Variants in MIR2052HG observed in about 807,000 individuals in gnomAD.
MIR2052HG encodes MIR2052 host gene.
At chr8:74,612,486 A>G (rs552072718) in intron 1 of MIR2052HG, 2 of 171,004 alleles carry the variant, frequency 1.2e-5, no homozygotes, top group Non-Finnish European at 2.5e-5. Flanking sequence ...ACTGTAGTTG[A>G]GCAGCTAAAT....
chr8:74,676,239 T>C (rs773989461), intron 2 of MIR2052HG, among the ~76,000 whole-genome samples: 1 of 151,986 alleles, frequency 6.6e-6, no homozygotes, highest in Non-Finnish European at 1.5e-5. Flanking sequence ...TTTAAACATA[T>C]GTAGATGCAT....
chr8:74,671,497 A>C (rs1186346581), intron 2 of MIR2052HG, among the ~76,000 whole-genome samples: 1 of 152,132 alleles, frequency 6.6e-6, no homozygotes, highest in Non-Finnish European at 1.5e-5. Context: ...ACAACTACTT[A>C]AGGTACTTTT....
intron 4 of MIR2052HG, among the ~76,000 whole-genome samples, chr8:74,719,832 TTTTTTTTTTCTTTTTTC>T (rs1283552812): frequency 9.7e-5 from 14 of 143,748 alleles, no homozygotes; most frequent in Admixed American, 5.0e-4. Flanking sequence ...GCTCCTTCTT[TTTTTTTTTTCTTTTTTC>T]TTTTTTTTTT....
chr8:74,623,892 G>T (rs1314973170), intron 2 of MIR2052HG, among the ~76,000 whole-genome samples: 2 of 152,138 alleles, frequency 1.3e-5, no homozygotes, highest in Non-Finnish European at 1.5e-5. Flanking sequence ...GTTAAAGGTT[G>T]CCAGGGTGAA....
intron 4 of MIR2052HG, among the ~76,000 whole-genome samples, chr8:74,734,203 T>C (rs964081317): frequency 6.7e-6 from 1 of 149,440 alleles, no homozygotes; most frequent in African/African-American, 2.5e-5. Flanking sequence ...TTAGATTTTA[T>C]GTTAAGGAGA....
intron 2 of MIR2052HG, among the ~76,000 whole-genome samples, chr8:74,670,720 G>T (rs944398538): frequency 1.3e-5 from 2 of 152,136 alleles, no homozygotes; most frequent in Non-Finnish European, 2.9e-5. Context: ...ATCAGACATT[G>T]ATAAAACAAG....
At chr8:74,692,460 A>G (rs1809249400) in intron 2 of MIR2052HG, among the ~76,000 whole-genome samples, 1 of 152,220 alleles carries the variant, frequency 6.6e-6, no homozygotes, top group African/African-American at 2.4e-5. Flanking sequence ...ACTGGTGAGG[A>G]ACACTAAGGA....
At chr8:74,733,229 C>T (rs1039886723) in intron 4 of MIR2052HG, among the ~76,000 whole-genome samples, 4 of 152,072 alleles carry the variant, frequency 2.6e-5, no homozygotes, top group Admixed American at 2.6e-4. Flanking sequence ...TATCCCTCCC[C>T]GCTCTCCCCA....
chr8:74,732,806 C>T (rs896908093), intron 4 of MIR2052HG, among the ~76,000 whole-genome samples: 3 of 151,974 alleles, frequency 2.0e-5, no homozygotes, highest in Non-Finnish European at 2.9e-5. Context: ...GAATAAACAG[C>T]CCATTCAAGG....
chr8:74,635,069 G>T (rs1402095228), intron 2 of MIR2052HG, among the ~76,000 whole-genome samples: 2 of 152,078 alleles, frequency 1.3e-5, no homozygotes, highest in Non-Finnish European at 2.9e-5. Context: ...AATTTGGGGG[G>T]TTGGGGGTGA....
At chr8:74,618,536 A>C (rs979212317) in intron 2 of MIR2052HG, among the ~76,000 whole-genome samples, 1 of 152,222 alleles carries the variant, frequency 6.6e-6, no homozygotes, top group Non-Finnish European at 1.5e-5. Flanking sequence ...AGAATGAAGG[A>C]CAAAAACCAT....
intron 2 of MIR2052HG, among the ~76,000 whole-genome samples, chr8:74,681,404 A>G (rs1352813864): frequency 6.6e-6 from 1 of 152,172 alleles, no homozygotes; most frequent in Non-Finnish European, 1.5e-5. Flanking sequence ...CAAAAGGTAG[A>G]TTTACTCTGT....
At chr8:74,708,921 C>A (rs773161070) in intron 4 of MIR2052HG, among the ~76,000 whole-genome samples, 1 of 151,926 alleles carries the variant, frequency 6.6e-6, no homozygotes. Flanking sequence ...AAAATGAGTC[C>A]CGCTTATGGC....
intron 2 of MIR2052HG, among the ~76,000 whole-genome samples, chr8:74,688,763 G>A (rs551870656): frequency 1.3e-3 from 193 of 152,140 alleles, no homozygotes; most frequent in African/African-American, 4.5e-3. Context: ...CCCATTACCT[G>A]GGCAGTATAC....
intron 2 of MIR2052HG, among the ~76,000 whole-genome samples, chr8:74,645,540 C>T (rs1808682573): frequency 6.6e-6 from 1 of 152,204 alleles, no homozygotes; most frequent in Non-Finnish European, 1.5e-5. Flanking sequence ...CTGCTTTGGC[C>T]TCCCAAAGTA....
intron 4 of MIR2052HG, among the ~76,000 whole-genome samples, chr8:74,719,581 T>C (rs954319392): frequency 1.3e-5 from 2 of 152,202 alleles, no homozygotes; most frequent in African/African-American, 4.8e-5. Context: ...CTTCTAGATA[T>C]CAGTTTTAAG....
intron 4 of MIR2052HG, among the ~76,000 whole-genome samples, chr8:74,712,669 C>T (rs1809481573): frequency 6.7e-6 from 1 of 150,022 alleles, no homozygotes; most frequent in South Asian, 2.1e-4. Flanking sequence ...AAAGGTTGGC[C>T]TCAGATTCAA....
At chr8:74,684,491 A>C (rs543345100) in intron 2 of MIR2052HG, among the ~76,000 whole-genome samples, 5 of 152,216 alleles carry the variant, frequency 3.3e-5, no homozygotes, top group African/African-American at 1.2e-4. Context: ...ATATATGTGT[A>C]AAGTATATTC....
At chr8:74,702,051 C>G (rs1232743782) in intron 2 of MIR2052HG, among the ~76,000 whole-genome samples, 1 of 151,978 alleles carries the variant, frequency 6.6e-6, no homozygotes, top group Non-Finnish European at 1.5e-5. Context: ...GTGTTTGCTT[C>G]TAATGGAAAT....
Sources: gnomAD v4.1 joint callset for allele counts (sites outside exome capture counted in the v4.1 genomes callset) on GRCh38, gnomAD v4.1.1 for gene constraint, MANE v1.5 for transcripts, NCBI Gene and HGNC (gene_info 2026-07-23, HGNC 2026-07-21) for gene names.